The following SPATA13 variants were observed in gnomAD, a reference collection of about 807,000 sequenced individuals.
SPATA13 encodes spermatogenesis associated 13, also known as spermatogenesis-associated protein 13.
Under a neutral mutation model 104.0 loss-of-function variants are expected in SPATA13, and 50 were observed. The ratio of observed to expected loss-of-function variants is 0.48; its 90% CI spans 0.38 to 0.61. The LOEUF (loss-of-function observed/expected upper bound fraction) is 0.61, where lower values mean the gene tolerates loss of function less well. Among genes scored for constraint, SPATA13 ranks in the 20% least tolerant of loss-of-function variants. The pLI is 0.00. For synonymous variants in SPATA13, 606 were observed against 667.5 expected, an observed-to-expected ratio of 0.91 and a Z score of 1.42; for missense variants, 1,524 against 1,690.6, an observed-to-expected ratio of 0.90 and a Z score of 1.73.
At chr13:24,071,053 C>T (rs1879144181) in intron 3 of SPATA13, among the ~76,000 whole-genome samples, 1 of 152,020 alleles carries the variant, frequency 6.6e-6, no homozygotes, top group Non-Finnish European at 1.5e-5. Flanking sequence ...GTTTTGTTTC[C>T]CTGGAGAACC....
chr13:23,989,393 G>A (rs766540300), intron 2 of SPATA13, among the ~76,000 whole-genome samples: 10 of 151,730 alleles, frequency 6.6e-5, no homozygotes, highest in Non-Finnish European at 1.5e-4. Context: ...CTGCACTCCA[G>A]CCTGGGTGAC....
chr13:24,078,336 T>C (rs1163230831), intron 3 of SPATA13, among the ~76,000 whole-genome samples: 3 of 152,214 alleles, frequency 2.0e-5, no homozygotes, highest in Non-Finnish European at 4.4e-5. Flanking sequence ...GATAGTAGTT[T>C]TGATATTTTT....
chr13:23,997,224 G>A (rs9507211), intron 2 of SPATA13, among the ~76,000 whole-genome samples: 2 of 152,146 alleles, frequency 1.3e-5, no homozygotes, highest in East Asian at 1.9e-4. Context: ...GGTATAATGG[G>A]CATAGAATGC....
chr13:24,108,318 T>A (rs1285841563), intron 3 of SPATA13, among the ~76,000 whole-genome samples: 1 of 152,260 alleles, frequency 6.6e-6, no homozygotes, highest in Non-Finnish European at 1.5e-5. Flanking sequence ...TTCCTCTGAT[T>A]CCCTTCGCAC....
intron 1 of SPATA13, among the ~76,000 whole-genome samples, chr13:24,216,974 G>A (rs1428602246): frequency 6.6e-6 from 1 of 152,096 alleles, no homozygotes; most frequent in Non-Finnish European, 1.5e-5. Flanking sequence ...TCACTTGAGT[G>A]TGGGAGGCGA....
intron 2 of SPATA13, among the ~76,000 whole-genome samples, chr13:24,238,888 G>A (rs1490398343): frequency 1.3e-5 from 2 of 152,290 alleles, no homozygotes; most frequent in South Asian, 2.1e-4. Context: ...GTATTCCTCA[G>A]TGAAAATAAA....
Position 24,289,020 on chromosome 13 carries a change from A to G in SPATA13, c.2689A>G (p.Lys897Glu), listed in dbSNP as rs1566195719. 6 of 1,609,778 alleles carry G rather than the reference A, an allele frequency of 3.7e-6. No homozygotes were observed. The highest frequency in any genetic ancestry group is 5.1e-6 in the Non-Finnish European group (6 of 1,178,834). ...GCAGGGCTATATCCGACAGTGCCGCAAGCACACAGGAATGTTCACCGTTGC... is the reference window on the plus strand; with the variant it reads ...GCAGGGCTATATCCGACAGTGCCGCGAGCACACAGGAATGTTCACCGTTGC... ...ICEGYIRQCR[K>E]HTGMFTVAQL... is the part of the protein sequence containing the mutation. The change falls in exon 8 of 13, where the codon AAG (lysine) becomes GAG (glutamate). Residue 897 changes from lysine (K) to glutamate (E), a missense_variant. Lys to Glu is a moderately conservative substitution (Grantham distance 56). Coordinates refer to ENST00000382108, the MANE Select transcript of SPATA13 (RefSeq NM_001166271.3).
At chr13:24,215,722 G>A (rs1871230958) in intron 1 of SPATA13, among the ~76,000 whole-genome samples, 1 of 152,148 alleles carries the variant, frequency 6.6e-6, no homozygotes, top group African/African-American at 2.4e-5. Context: ...CTGCACTGTT[G>A]GGTGACTTAG....
At chr13:24,221,599 A>C (rs927306622) in intron 1 of SPATA13, among the ~76,000 whole-genome samples, 6 of 151,878 alleles carry the variant, frequency 4.0e-5, no homozygotes, top group Non-Finnish European at 8.8e-5. Flanking sequence ...GAAGGGATGG[A>C]CACAGGTGTG....
Position 23,986,188 on chromosome 13 carries a change from C to T in SPATA13, c.-147+2255C>T, listed in dbSNP as rs116719333. The stretch of plus-strand genomic sequence containing the variant: ...TTAGGTATTTCGGCTCGCCCAGGGA[C>T]CTAGTCATTGTATAACCTCTTTCTA... On this transcript the variant is annotated intron_variant, in intron 2 of 14. Coordinates refer to the SPATA13 transcript ENST00000424834. 1.4e-3 allele frequency among the ~76,000 whole-genome samples: 215 copies of T among 152,274 alleles called. 2 individuals are homozygous for T. The highest frequency in any genetic ancestry group is 4.7e-3 in the African/African-American group (194 of 41,544).
intron 2 of SPATA13, among the ~76,000 whole-genome samples, chr13:24,225,935 G>A (rs924315843): frequency 3.3e-5 from 5 of 152,166 alleles, no homozygotes; most frequent in African/African-American, 1.2e-4. Flanking sequence ...ATGAAGTTAC[G>A]TGGACAAACG....
intron 3 of SPATA13, chr13:24,122,621 A>G: frequency 7.0e-7 from 1 of 1,423,598 alleles, no homozygotes; most frequent in Non-Finnish European, 9.9e-7. Context: ...CAACTCCTGT[A>G]AGAACCTTTT....
chr13:24,220,618 G>A (rs1871527331), intron 1 of SPATA13, among the ~76,000 whole-genome samples: 1 of 152,198 alleles, frequency 6.6e-6, no homozygotes, highest in South Asian at 2.1e-4. Context: ...TGCTTATGTG[G>A]CTCATCCAAA....
chr13:24,270,092 AG>A (rs1874498023), intron 4 of SPATA13, among the ~76,000 whole-genome samples: 1 of 152,164 alleles, frequency 6.6e-6, no homozygotes. Flanking sequence ...TTGTTCATAA[AG>A]TTAAAAAGGC....
chr13:24,070,980 C>G (rs1167192908), intron 3 of SPATA13, among the ~76,000 whole-genome samples: 1 of 152,170 alleles, frequency 6.6e-6, no homozygotes, highest in Admixed American at 6.5e-5. Flanking sequence ...GGCGTCAGGT[C>G]CTTCCCTTTA....
intron 3 of SPATA13, among the ~76,000 whole-genome samples, chr13:24,061,826 A>G (rs1357643186): frequency 6.6e-6 from 1 of 151,984 alleles, no homozygotes; most frequent in African/African-American, 2.4e-5. Flanking sequence ...GAGTTTATTT[A>G]TATAACAGAC....
chr13:24,291,762 T>TATTTTTTATTTTTTATTTTTTA, intron 9 of SPATA13, among the ~76,000 whole-genome samples: 1 of 129,664 alleles, frequency 7.7e-6, no homozygotes, highest in African/African-American at 2.7e-5. Flanking sequence ...TTTTATTTTT[T>TATTTTTTATTTTTTATTTTTTA]TTTTTGAGAC....
At chr13:24,232,354 G>A (rs1045183929) in intron 2 of SPATA13, among the ~76,000 whole-genome samples, 4 of 140,644 alleles carry the variant, frequency 2.8e-5, no homozygotes, top group African/African-American at 1.0e-4. Context: ...CATCCTTGAG[G>A]GCAAGTCTTC....
chr13:24,161,923 G>A lies in SPATA13; in HGVS notation c.-112+991G>A, dbSNP rs1410474169. ...TGTGAACCTTTCCTGGTCACCCAGC[G>A]ATTTGCTCTCCTTTATTCCCCTTGC... On this transcript the variant is annotated intron_variant, in intron 1 of 12. Coordinates refer to ENST00000382108, the MANE Select transcript of SPATA13 (RefSeq NM_001166271.3). The surrounding 1 kb of genome is among the most constrained non-coding windows in gnomAD (Gnocchi z 4.5). Among the ~76,000 whole-genome samples the A allele has an allele frequency of 6.6e-6, 1 of 152,074 alleles. No homozygotes were observed. The highest frequency in any genetic ancestry group is 1.5e-5 in the Non-Finnish European group (1 of 68,026).
Sources: gnomAD v4.1 joint callset for allele counts (sites outside exome capture counted in the v4.1 genomes callset) on GRCh38, gnomAD v4.1.1 for gene constraint, Gnocchi (gnomAD v3.1) non-coding constraint, MANE v1.5 for transcripts, NCBI Gene and HGNC (gene_info 2026-07-23, HGNC 2026-07-21) for gene names.